Variants in IQSEC1 observed in about 807,000 individuals in gnomAD.
IQSEC1 encodes IQ motif and SEC7 domain-containing protein 1.
A neutral mutation model predicts 91.0 loss-of-function variants in IQSEC1; 31 were observed. The observed-to-expected ratio is 0.34, with a 90% CI of 0.26 to 0.46. IQSEC1 has a LOEUF of 0.46. Among genes scored for constraint, IQSEC1 ranks in the 20% least tolerant of loss-of-function variants. IQSEC1 has a pLI of 1.00. For synonymous variants in IQSEC1, 699 were observed against 662.6 expected (o/e 1.05, Z -0.84); for missense variants, 1,388 against 1,575.6 (o/e 0.88, Z 2.02).
chr3:13,109,621 C>A (rs547371307), intron 2 of IQSEC1, among the ~76,000 whole-genome samples: 1 of 152,090 alleles, frequency 6.6e-6, no homozygotes, highest in African/African-American at 2.4e-5. Context: ...AAGATCCGGT[C>A]ATTTAGAGGT....
intron 1 of IQSEC1, among the ~76,000 whole-genome samples, chr3:13,190,130 C>A (rs1693996997): frequency 6.6e-6 from 1 of 152,250 alleles, no homozygotes; most frequent in Admixed American, 6.5e-5. Flanking sequence ...AGGTTCTTAT[C>A]TTCCTGCCTG....
intron 1 of IQSEC1, among the ~76,000 whole-genome samples, chr3:12,948,627 G>A (rs1479562906): frequency 6.6e-6 from 1 of 152,230 alleles, no homozygotes; most frequent in Admixed American, 6.5e-5. Context: ...CTTTTCTCAA[G>A]AAAAATGTTA....
chr3:13,161,715 C>T lies in IQSEC1; in HGVS notation c.302+2389G>A, dbSNP rs180954338. Among the ~76,000 whole-genome samples, 236 of 152,356 alleles carry T rather than the reference C, an allele frequency of 1.5e-3. 1 individual carries two copies. Among genetic ancestry groups the T allele is most frequent in the African/African-American group, 5.3e-3 (220 of 41,584 alleles). On this transcript the variant is annotated intron_variant, in intron 2 of 15. Coordinates refer to the IQSEC1 transcript ENST00000648114. ...AACACTGTCTACTGCGATGTCCACACGGCAGGGCATTTTGGGGCTGGATTC... is the reference window on the plus strand; with the variant it reads ...AACACTGTCTACTGCGATGTCCACATGGCAGGGCATTTTGGGGCTGGATTC...
rs921873774 is a variant in IQSEC1 at position 13,193,181 on chromosome 3, C to T, written c.273-29048G>A. On this transcript the variant is annotated intron_variant, in intron 1 of 15. Transcript: ENST00000648114. This position sits in a 1 kb window ranked among gnomAD's most constrained non-coding sequence, Gnocchi z 4.2. ...CGGGGCTCACACACAGAGCCTGCCCCATTCCCCGGACTCTCATGGGCATCT... is the reference window on the plus strand; with the variant it reads ...CGGGGCTCACACACAGAGCCTGCCCTATTCCCCGGACTCTCATGGGCATCT... 1.3e-5 allele frequency among the ~76,000 whole-genome samples: 2 copies of T among 152,232 alleles called. No homozygotes were observed. Among genetic ancestry groups the T allele is most frequent in the Non-Finnish European group, 2.9e-5 (2 of 68,048 alleles).
At chr3:12,981,772 G>A (rs970914220) in intron 1 of IQSEC1, among the ~76,000 whole-genome samples, 6 of 152,158 alleles carry the variant, frequency 3.9e-5, no homozygotes, top group Admixed American at 6.5e-5. Context: ...TGGAGGACCC[G>A]CCTCCTGCTG....
intron 1 of IQSEC1, among the ~76,000 whole-genome samples, chr3:13,167,641 GGAGAGTCTCTGGCTGTCCTCACAA>G (rs1270412335): frequency 6.6e-6 from 1 of 152,302 alleles, no homozygotes; most frequent in African/African-American, 2.4e-5. Flanking sequence ...CCCCGGACAA[GGAGAGTCTCTGGCTGTCCTCACAA>G]GAGCATAGAG....
chr3:13,063,332 C>G (rs1705130870), intron 1 of IQSEC1, among the ~76,000 whole-genome samples: 1 of 152,268 alleles, frequency 6.6e-6, no homozygotes, highest in Non-Finnish European at 1.5e-5. Context: ...TTGCTTCCTT[C>G]CCTTAACCTT....
chr3:12,915,119 ATGCAGGGATCCGATC>A lies in IQSEC1; in HGVS notation c.2161-1_2174del. The A allele has an allele frequency of 1.2e-6, 2 of 1,609,100 alleles. No individual in the cohort carries two copies. The highest frequency in any genetic ancestry group is 1.7e-6 in the Non-Finnish European group (2 of 1,177,320). ...AAATACTCACACAGCCGAGCCCGGG[ATGCAGGGATCCGATC>A]TGCGGGAGAATGTGAAACCAACAAA... On this transcript the variant is annotated splice_acceptor_variant and coding_sequence_variant, in exon 8 of 14. Coordinates refer to ENST00000613206, the MANE Select transcript of IQSEC1 (RefSeq NM_001134382.3). LOFTEE classifies it high-confidence loss of function.
intron 2 of IQSEC1, among the ~76,000 whole-genome samples, chr3:13,116,073 C>T (rs1455033645): frequency 1.3e-5 from 2 of 152,222 alleles, no homozygotes; most frequent in Non-Finnish European, 2.9e-5. Flanking sequence ...GAAGAAGGGT[C>T]CCATAGGACT....
Position 12,936,509 on chromosome 3 carries a change from C to A in IQSEC1, c.507G>T (p.Gly169=). ...AGTAGGAGCTGTGCACTTTCTCAGG[C>A]CCCTCAAAGGAGAACTGCATCCTCA... ...SNMRMQFSFE[G]PEKVHSSYFE... The change falls in exon 3 of 14, where the codon GGG becomes GGT. Residue 169 remains glycine (G), a synonymous_variant. Transcript: ENST00000613206. The A allele has an allele frequency of 6.2e-7, 1 of 1,613,460 alleles. No individual in the cohort carries two copies. The highest frequency in any genetic ancestry group is 8.5e-7 in the Non-Finnish European group (1 of 1,180,006).
At chr3:13,246,775 G>C (rs891269010) in intron 1 of IQSEC1, among the ~76,000 whole-genome samples, 1 of 152,122 alleles carries the variant, frequency 6.6e-6, no homozygotes, top group Non-Finnish European at 1.5e-5. Context: ...TCCTATCCTC[G>C]CAGAATACTG....
chr3:12,967,455 G>A lies in IQSEC1; in HGVS notation c.24-25590C>T. Reference sequence around the variant, plus strand: ...AGTTGCAGTGCAGGCACCACATGGCGGCCGCAGTGGGAGCGGGCCGGGCCG... The same window carrying A: ...AGTTGCAGTGCAGGCACCACATGGCAGCCGCAGTGGGAGCGGGCCGGGCCG... On this transcript the variant is annotated intron_variant, in intron 1 of 13. Transcript: ENST00000613206. The surrounding 1 kb of genome is among the most constrained non-coding windows in gnomAD (Gnocchi z 5.9). The A allele has an allele frequency of 6.6e-7, 1 of 1,517,378 alleles. No homozygotes were observed. 94.0% of individuals were successfully genotyped at this position (1,517,378 alleles called of 1,614,324 possible).
rs936821445 is a variant in IQSEC1, at chr3:13,008,595, G to A, written c.23+64397C>T. ...AGCCTCCTGCTTCATTTTCCTGACTGTGATGTTGGAAATGCTCGTTTGTGT... is the reference window on the plus strand; with the variant it reads ...AGCCTCCTGCTTCATTTTCCTGACTATGATGTTGGAAATGCTCGTTTGTGT... On this transcript the variant is annotated intron_variant, in intron 1 of 13. Transcript: ENST00000613206. The surrounding 1 kb of genome is among the most constrained non-coding windows in gnomAD (Gnocchi z 4.1). Among the ~76,000 whole-genome samples the A allele has an allele frequency of 1.3e-5, 2 of 151,802 alleles. No individual in the cohort carries two copies. Among genetic ancestry groups the A allele is most frequent in the African/African-American group, 2.4e-5 (1 of 41,092 alleles).
At chr3:13,273,910 C>A (rs935257537) in intron 1 of IQSEC1, among the ~76,000 whole-genome samples, 2 of 152,176 alleles carry the variant, frequency 1.3e-5, no homozygotes, top group Non-Finnish European at 2.9e-5. Flanking sequence ...CACACTGGTC[C>A]GCTCCCTGCA....
At chr3:13,239,422 T>C (rs935972365) in intron 1 of IQSEC1, among the ~76,000 whole-genome samples, 3 of 152,248 alleles carry the variant, frequency 2.0e-5, no homozygotes, top group African/African-American at 7.2e-5. Context: ...ATCTCGGGCC[T>C]GCTTCACACC....
chr3:13,121,041 C>G (rs911162443), intron 2 of IQSEC1, among the ~76,000 whole-genome samples: 5 of 152,368 alleles, frequency 3.3e-5, no homozygotes, highest in Admixed American at 2.0e-4. Context: ...GACCACAAGT[C>G]TTCAGCAGCT....
intron 2 of IQSEC1, among the ~76,000 whole-genome samples, chr3:12,938,282 AGG>A (rs1698410173): frequency 6.6e-6 from 1 of 152,206 alleles, no homozygotes; most frequent in African/African-American, 2.4e-5. Context: ...TCGAGGAGCG[AGG>A]GGTCTGTCAA....
intron 2 of IQSEC1, among the ~76,000 whole-genome samples, chr3:13,086,451 C>G (rs112219378): frequency 4.5e-4 from 68 of 152,330 alleles, no homozygotes; most frequent in African/African-American, 1.4e-3. Context: ...GAGCCACCTG[C>G]AGGGCTGGGA....
intron 2 of IQSEC1, among the ~76,000 whole-genome samples, chr3:13,094,868 C>T (rs1465149584): frequency 6.6e-6 from 1 of 152,168 alleles, no homozygotes; most frequent in Non-Finnish European, 1.5e-5. Flanking sequence ...ATTGTTACCT[C>T]CCCAGGCAAG....
Sources: allele counts gnomAD v4.1 joint callset (sites outside exome capture counted in the v4.1 genomes callset), GRCh38; gene constraint gnomAD v4.1.1; non-coding constraint Gnocchi (gnomAD v3.1); transcripts MANE v1.5; gene names NCBI Gene and HGNC (gene_info 2026-07-23, HGNC 2026-07-21).